Variants in ITGA6 observed in about 807,000 individuals in gnomAD.
ITGA6 encodes the protein integrin alpha-6.
In ITGA6, 63 loss-of-function variants were observed where a neutral mutation model predicts 133.6. The ratio of observed to expected loss-of-function variants is 0.47; its 90% confidence interval spans 0.38 to 0.58. ITGA6 has a LOEUF of 0.58. ITGA6 is among the 20% of genes least tolerant of loss of function. ITGA6 has a pLI of 0.00. For synonymous variants in ITGA6, 434 were observed against 482.0 expected, an observed-to-expected ratio of 0.90 and a Z score of 1.30; for missense variants, 1,068 against 1,309.4, an observed-to-expected ratio of 0.82 and a Z score of 2.85.
At chr2:172,463,352 T>TG (rs1685512152) in intron 1 of ITGA6, among the ~76,000 whole-genome samples, 1 of 152,154 alleles carries the variant, frequency 6.6e-6, no homozygotes, top group Non-Finnish European at 1.5e-5. Context: ...TCTTTGCTGG[T>TG]GGTTACCTTT....
chr2:172,492,876 T>C (rs1686979620), intron 23 of ITGA6, among the ~76,000 whole-genome samples: 1 of 152,148 alleles, frequency 6.6e-6, no homozygotes, highest in Non-Finnish European at 1.5e-5. Context: ...TAGCAGTCCT[T>C]ACGATTTATT....
At chr2:172,454,430 G>A (rs886704691) in intron 1 of ITGA6, among the ~76,000 whole-genome samples, 1 of 152,120 alleles carries the variant, frequency 6.6e-6, no homozygotes, top group Admixed American at 6.6e-5. Flanking sequence ...CAGGAGAGTG[G>A]TGGTGGTTGG....
chr2:172,491,579 C>T lies in ITGA6; in HGVS notation c.2988+56C>T. On this transcript the variant is annotated intron_variant, in intron 23 of 25. Transcript: ENST00000684293. This position sits in a 1 kb window ranked among gnomAD's most constrained non-coding sequence, Gnocchi z 4.4. The stretch of plus-strand genomic sequence containing the variant: ...AGAACATGTCTCTTTTCCCTGTACC[C>T]CACACTCATGTCCTGAAGTCATGTG... The T allele has an allele frequency of 2.7e-6, 3 of 1,127,776 alleles. No individual in the cohort carries two copies. The highest frequency in any genetic ancestry group is 2.4e-5 in the East Asian group (1 of 41,948). 69.9% of individuals were successfully genotyped at this position (1,127,776 alleles called of 1,614,324 possible).
At chr2:172,435,325 T>C (rs7608097) in intron 1 of ITGA6, among the ~76,000 whole-genome samples, 37,644 of 152,024 alleles carry the variant, frequency 0.25, 5,786 homozygotes, top group East Asian at 0.78. Context: ...TTCTGTTCTC[T>C]TTCCTTCTTG....
intron 11 of ITGA6, among the ~76,000 whole-genome samples, chr2:172,481,616 G>T (rs1686443545): frequency 6.6e-6 from 1 of 152,134 alleles, no homozygotes; most frequent in Non-Finnish European, 1.5e-5. Flanking sequence ...CGAGCTGTCT[G>T]CAGGTGGTTT....
chr2:172,462,683 G>A (rs931336716), intron 1 of ITGA6, among the ~76,000 whole-genome samples: 2 of 152,166 alleles, frequency 1.3e-5, no homozygotes, highest in African/African-American at 2.4e-5. Flanking sequence ...GCAGATAGAG[G>A]CTGAGGGAAG....
At chr2:172,443,768 G>A (rs1559118082) in intron 1 of ITGA6, among the ~76,000 whole-genome samples, 1 of 152,190 alleles carries the variant, frequency 6.6e-6, no homozygotes, top group Non-Finnish European at 1.5e-5. Context: ...AAAGTTACTT[G>A]ATGTTATTTC....
rs1370204610 is a variant in ITGA6 at position 172,435,630 on chromosome 2, TTTTTTTTTTTG to T, written c.182+7663_182+7673del. ...GAGTTTTGTTTCTTTTTTTTTTTTT[TTTTTTTTTTTG>T]TTGAGACAGAGTCTCACTCTGTTTG... On this transcript the variant is annotated intron_variant, in intron 1 of 25. Transcript: ENST00000684293. Among the ~76,000 whole-genome samples the T allele has an allele frequency of 3.6e-5, 5 of 139,670 alleles. No individual in the cohort carries two copies. The East Asian group carries it at 1.0e-3, about 28-fold the overall frequency. The allele number at this position is 139,670 out of a possible 152,430, so 91.6% of individuals were successfully genotyped here. A position where few individuals can be genotyped will look rare whatever the true frequency, so the allele number is the denominator to read the frequency against.
At chr2:172,489,287 T>C (rs1686821527) in intron 19 of ITGA6, among the ~76,000 whole-genome samples, 198 bp from the exon 20 acceptor site, 1 of 152,222 alleles carries the variant, frequency 6.6e-6, no homozygotes, top group Non-Finnish European at 1.5e-5. Flanking sequence ...TCCTTTGACC[T>C]TTTTGTTTTT....
At chr2:172,460,252 A>AG (rs2149029392) in intron 1 of ITGA6, among the ~76,000 whole-genome samples, 1 of 147,100 alleles carries the variant, frequency 6.8e-6, no homozygotes, top group South Asian at 2.2e-4. Flanking sequence ...AAGTGGTAAT[A>AG]GGTCCTGTAA....
Position 172,469,291 on chromosome 2 carries a change from T to G in ITGA6, c.554T>G (p.Phe185Cys). 1 of 1,614,148 alleles carries G rather than the reference T, an allele frequency of 6.2e-7. No homozygotes were observed. Among genetic ancestry groups the G allele is most frequent in the Non-Finnish European group, 8.5e-7 (1 of 1,180,006 alleles). ...CDGRLRGHEKFGSCQQGVAAT... is the reference protein window; with the variant it reads ...CDGRLRGHEKCGSCQQGVAAT... ...GGGCGATTGAGAGGCCATGAGAAATTTGGCTCTTGCCAGCAAGGTGTAGCA... is the reference window on the plus strand; with the variant it reads ...GGGCGATTGAGAGGCCATGAGAAATGTGGCTCTTGCCAGCAAGGTGTAGCA... Residue 185 changes from phenylalanine (F) to cysteine (C), a missense_variant, in exon 4 of 26, where the codon TTT (phenylalanine) becomes TGT (cysteine). Transcript: ENST00000684293.
intron 1 of ITGA6, among the ~76,000 whole-genome samples, chr2:172,441,157 G>C (rs3762619): frequency 6.6e-6 from 1 of 152,020 alleles, no homozygotes; most frequent in African/African-American, 2.4e-5. Flanking sequence ...ATCCTGTTGA[G>C]TTTAATAGGC....
In ITGA6 at chr2:172,484,919, ATGGAGGAAACCC is replaced by A. The variant is rs751429769; in HGVS notation, c.1690_1701del (p.Glu564_Leu567del). ...GAAGAGGCAGAAACAGAAAGTGTGC[ATGGAGGAAACCC>A]TGTGGCTACAGGTGAGGGCTGCAGA... On this transcript the variant is annotated inframe_deletion, in exon 12 of 26. Transcript: ENST00000684293. 1 of 1,614,242 alleles carries A rather than the reference ATGGAGGAAACCC, an allele frequency of 6.2e-7. No homozygotes were observed.
chr2:172,427,704 T>TAGC lies in ITGA6; in HGVS notation c.-78_-76dup, dbSNP rs1646418275. On this transcript the variant is annotated 5_prime_UTR_variant, in exon 1 of 26. Transcript: ENST00000684293. ...CGAGAGGAGGCGAAGGTGGCTGCGG[T>TAGC]AGCAGCAGCGCGGCAGCCTCGGACC... is the stretch of plus-strand genomic sequence containing the variant. 7.2e-7 allele frequency: 1 copy of TAGC among 1,380,734 alleles called. No homozygotes were observed. Among genetic ancestry groups the TAGC allele is most frequent in the Non-Finnish European group, 9.4e-7 (1 of 1,068,094 alleles). The allele number at this position is 1,380,734 out of a possible 1,614,324, so 85.5% of individuals were successfully genotyped here.
rs1405388122 is a variant in ITGA6 at position 172,498,155 on chromosome 2, AAAT to A, written c.3114+56_3114+58del. Reference sequence around the variant, plus strand: ...AACAAACTTTATTTCATGTTTTAAAAAATGGGAATCAGCACTGATAGTACGTTT... The same window carrying A: ...AACAAACTTTATTTCATGTTTTAAAAGGGAATCAGCACTGATAGTACGTTT... On this transcript the variant is annotated intron_variant, in intron 24 of 25. Coordinates refer to ENST00000684293, the MANE Select transcript of ITGA6 (RefSeq NM_000210.4). The A allele has an allele frequency of 7.7e-6, 12 of 1,552,966 alleles. No homozygotes were observed. In the African/African-American group the frequency reaches 1.1e-4, roughly 14 times the overall value.
At chr2:172,434,249 A>C (rs1420297055) in intron 1 of ITGA6, among the ~76,000 whole-genome samples, 4 of 152,200 alleles carry the variant, frequency 2.6e-5, no homozygotes. Flanking sequence ...TTAGATTTGC[A>C]AACACTGATC....
In ITGA6 at chr2:172,505,737, T is replaced by A. The variant is rs1402736618; in HGVS notation, c.*1669T>A. On this transcript the variant is annotated 3_prime_UTR_variant, in exon 26 of 26. Transcript: ENST00000684293. The stretch of plus-strand genomic sequence containing the variant: ...CTGTTGTTTTGGGGGGGCTTTTTTC[T>A]TTTCGGAAATCTTAAACCTTAAGAT... The A allele has an allele frequency of 6.7e-6, 1 of 149,296 alleles. No homozygotes were observed. The highest frequency in any genetic ancestry group is 1.5e-5 in the Non-Finnish European group (1 of 66,028). The allele number at this position is 149,296 out of a possible 1,614,324, so 9.2% of individuals were successfully genotyped here. A position where few individuals can be genotyped will look rare whatever the true frequency, so the allele number is the denominator to read the frequency against.
chr2:172,480,341 T>C (rs1395957761), intron 11 of ITGA6, among the ~76,000 whole-genome samples: 1 of 152,204 alleles, frequency 6.6e-6, no homozygotes, highest in Non-Finnish European at 1.5e-5. Context: ...CATTTCTGTC[T>C]TTGAAAAGCA....
chr2:172,449,415 C>A (rs997950843), intron 1 of ITGA6, among the ~76,000 whole-genome samples: 7 of 152,078 alleles, frequency 4.6e-5, no homozygotes, highest in Admixed American at 6.5e-5. Flanking sequence ...GTATTCATCC[C>A]ATTTATTGAA....
Sources: gnomAD v4.1 joint callset for allele counts (sites outside exome capture counted in the v4.1 genomes callset) on GRCh38, gnomAD v4.1.1 for gene constraint, Gnocchi (gnomAD v3.1) non-coding constraint, MANE v1.5 for transcripts, NCBI Gene and HGNC (gene_info 2026-07-23, HGNC 2026-07-21) for gene names.